ZNF609: variants seen among roughly 807,000 people sequenced by gnomAD.
The protein encoded by ZNF609 is zinc finger protein 609.
In ZNF609, 11 loss-of-function variants were observed where a neutral mutation model predicts 109.5. That is an observed-to-expected ratio of 0.10 (90% CI 0.06 to 0.17). The LOEUF (loss-of-function observed/expected upper bound fraction) is 0.17, where lower values mean the gene tolerates loss of function less well. Among genes scored for constraint, ZNF609 ranks in the 10% least tolerant of loss-of-function variants. ZNF609 has a pLI of 1.00. For synonymous variants in ZNF609, 646 were observed against 662.0 expected (o/e 0.98, Z 0.37); for missense variants, 1,559 against 1,772.4 (o/e 0.88, Z 2.16).
At chr15:64,555,054 C>T (rs574438479) in intron 2 of ZNF609, among the ~76,000 whole-genome samples, 18 of 151,574 alleles carry the variant, frequency 1.2e-4, no homozygotes, top group African/African-American at 3.9e-4. Context: ...CAAGATCACG[C>T]CATTGCACTC....
intron 3 of ZNF609, among the ~76,000 whole-genome samples, chr15:64,633,876 A>C (rs1459813043): frequency 6.6e-6 from 1 of 151,710 alleles, no homozygotes; most frequent in Non-Finnish European, 1.5e-5. Context: ...GTGAGACTCC[A>C]TCTCAGGAAA....
At chr15:64,645,234 G>C (rs1896318985) in intron 3 of ZNF609, among the ~76,000 whole-genome samples, 1 of 151,572 alleles carries the variant, frequency 6.6e-6, no homozygotes, top group Admixed American at 6.6e-5. Context: ...GAGACTACAG[G>C]CGTGTGCCAC....
At chr15:64,491,434 C>T (rs1054953815) in intron 1 of ZNF609, among the ~76,000 whole-genome samples, 4 of 152,120 alleles carry the variant, frequency 2.6e-5, no homozygotes, top group African/African-American at 9.7e-5. Context: ...TTGACAGTTC[C>T]CTGAGACATC....
chr15:64,621,233 T>C (rs2140971034), intron 2 of ZNF609, among the ~76,000 whole-genome samples: 1 of 152,354 alleles, frequency 6.6e-6, no homozygotes. Flanking sequence ...TCTTTGCATA[T>C]GCAAGACGTT....
intron 2 of ZNF609, among the ~76,000 whole-genome samples, chr15:64,576,348 G>A (rs145995937): frequency 6.6e-6 from 1 of 151,806 alleles, no homozygotes; most frequent in African/African-American, 2.4e-5. Flanking sequence ...ACTGACTTTA[G>A]GCTAGCTTAA....
At chr15:64,565,511 A>G (rs1033975647) in intron 2 of ZNF609, among the ~76,000 whole-genome samples, 2 of 152,254 alleles carry the variant, frequency 1.3e-5, no homozygotes, top group African/African-American at 4.8e-5. Flanking sequence ...GTTTACATCT[A>G]CTGGCTAGAA....
Position 64,670,341 on chromosome 15 carries a change from TC to T in ZNF609, c.974-3del, listed in dbSNP as rs1214570818. ...TGTCTATATCTATGTGCTCTTATTT[TC>T]CAGGGATGTTGGTGGTAAATGTAAC... On this transcript the variant is annotated splice_polypyrimidine_tract_variant and splice_region_variant and intron_variant, in intron 3 of 9. Coordinates refer to ENST00000326648, the MANE Select transcript of ZNF609 (RefSeq NM_015042.2). 2 of 1,613,184 alleles carry T rather than the reference TC, an allele frequency of 1.2e-6. No individual in the cohort carries two copies.
intron 2 of ZNF609, among the ~76,000 whole-genome samples, chr15:64,621,839 C>T (rs1432193633): frequency 6.6e-6 from 1 of 151,086 alleles, no homozygotes; most frequent in Non-Finnish European, 1.5e-5. Context: ...GATTCTGCTG[C>T]CTCAGCCTCC....
At chr15:64,465,383 T>C (rs918235831) in intron 1 of ZNF609, among the ~76,000 whole-genome samples, 1 of 152,192 alleles carries the variant, frequency 6.6e-6, no homozygotes, top group African/African-American at 2.4e-5. Context: ...TGTTTGTTTG[T>C]TTGTTTTTCT....
intron 2 of ZNF609, among the ~76,000 whole-genome samples, chr15:64,585,885 G>A (rs1055179067): frequency 1.3e-5 from 2 of 152,036 alleles, no homozygotes; most frequent in South Asian, 2.1e-4. Context: ...TTCCTCTGTC[G>A]TTCAGACTGG....
In ZNF609 at chr15:64,548,430, G is replaced by A. The variant is rs565550376; in HGVS notation, c.747+48264G>A. Among the ~76,000 whole-genome samples, 5 of 152,198 alleles carry A rather than the reference G, an allele frequency of 3.3e-5. No individual in the cohort carries two copies. The East Asian group carries it at 9.6e-4, about 29-fold the overall frequency. On this transcript the variant is annotated intron_variant, in intron 2 of 9. Coordinates refer to ENST00000326648, the MANE Select transcript of ZNF609 (RefSeq NM_015042.2). ...AATCAAATGCTTTTCTTTACAAGTC[G>A]ATGAATCAATAGACTCTAGTGAATG...
At chr15:64,494,377 T>C (rs1893453682) in intron 1 of ZNF609, among the ~76,000 whole-genome samples, 1 of 152,216 alleles carries the variant, frequency 6.6e-6, no homozygotes, top group African/African-American at 2.4e-5. Context: ...AAATAGACAT[T>C]AAACATTGTG....
At chr15:64,585,053 G>A (rs776410676) in intron 2 of ZNF609, among the ~76,000 whole-genome samples, 1 of 151,880 alleles carries the variant, frequency 6.6e-6, no homozygotes, top group Non-Finnish European at 1.5e-5. Flanking sequence ...GGCCGGGTGT[G>A]GTGGCTCATG....
chr15:64,620,444 T>A, intron 2 of ZNF609, among the ~76,000 whole-genome samples: 1 of 152,214 alleles, frequency 6.6e-6, no homozygotes, highest in East Asian at 1.9e-4. Flanking sequence ...TGTTGTTTTT[T>A]ACCTTCACTT....
intron 2 of ZNF609, among the ~76,000 whole-genome samples, chr15:64,575,134 A>G (rs969618643): frequency 3.3e-5 from 5 of 152,206 alleles, no homozygotes; most frequent in African/African-American, 1.2e-4. Flanking sequence ...TCAAAGTGTG[A>G]AAGAGTCAAA....
At chr15:64,668,927 G>A (rs1035176084) in intron 3 of ZNF609, among the ~76,000 whole-genome samples, 1 of 140,344 alleles carries the variant, frequency 7.1e-6, no homozygotes, top group Non-Finnish European at 1.5e-5. Flanking sequence ...ACTCCAGCCT[G>A]GGCAACAAGA....
intron 2 of ZNF609, among the ~76,000 whole-genome samples, chr15:64,601,381 C>T (rs1422162380): frequency 6.6e-6 from 1 of 152,146 alleles, no homozygotes; most frequent in Non-Finnish European, 1.5e-5. Flanking sequence ...GATGATGACA[C>T]ACTCATGTGG....
chr15:64,520,861 G>A (rs541754415), intron 2 of ZNF609, among the ~76,000 whole-genome samples: 14 of 152,168 alleles, frequency 9.2e-5, no homozygotes, highest in Admixed American at 5.9e-4. Context: ...ATTATCAGCC[G>A]AAGAGATTAT....
intron 1 of ZNF609, 30 bp from the exon 2 acceptor site, chr15:64,499,263 T>C: frequency 1.0e-6 from 1 of 989,310 alleles, no homozygotes; most frequent in East Asian, 2.6e-5. Flanking sequence ...ATTGTTTCTT[T>C]TAACAGCTTT....
Sources: gnomAD v4.1 joint callset for allele counts (sites outside exome capture counted in the v4.1 genomes callset) on GRCh38, gnomAD v4.1.1 for gene constraint, MANE v1.5 for transcripts, NCBI Gene and HGNC (gene_info 2026-07-23, HGNC 2026-07-21) for gene names.